The following MON2 variants were observed in gnomAD, a reference collection of about 807,000 sequenced individuals.
MON2 encodes MON2 regulator of endosome-to-Golgi trafficking, also known as protein MON2 homolog.
Under a neutral mutation model 208.6 loss-of-function variants are expected in MON2, and 84 were observed. The ratio of observed to expected loss-of-function variants is 0.40; its 90% CI spans 0.34 to 0.48. The LOEUF (loss-of-function observed/expected upper bound fraction) is 0.48, where lower values mean the gene tolerates loss of function less well. Among genes scored for constraint, MON2 ranks in the 20% least tolerant of loss-of-function variants. MON2 has a pLI of 0.59. For synonymous variants in MON2, 660 were observed against 694.0 expected, an observed-to-expected ratio of 0.95 and a Z score of 0.77; for missense variants, 1,611 against 2,015.4, an observed-to-expected ratio of 0.80 and a Z score of 3.84.
intron 2 of MON2, among the ~76,000 whole-genome samples, chr12:62,493,551 A>G (rs1267351085): frequency 6.6e-6 from 1 of 152,126 alleles, no homozygotes; most frequent in East Asian, 1.9e-4. Flanking sequence ...TAGGGTGGGA[A>G]TTCTTATTTA....
chr12:62,566,195 CATGTA>C (rs2074381596), intron 28 of MON2, 122 bp from the exon 29 acceptor site: 7 of 1,344,260 alleles, frequency 5.2e-6, no homozygotes, highest in Non-Finnish European at 6.1e-6. Context: ...GAAAACTTTG[CATGTA>C]ATATAATCTG....
At position 62,494,107 on chromosome 12, in the gene MON2, A is replaced by G; in HGVS notation, c.303+65A>G. The G allele has an allele frequency of 5.0e-6, 7 of 1,387,352 alleles. No individual in the cohort carries two copies. The South Asian group carries it at 9.1e-5, about 18-fold the overall frequency. 85.9% of individuals were successfully genotyped at this position (1,387,352 alleles called of 1,614,324 possible). A position where few individuals can be genotyped will look rare whatever the true frequency, so the allele number is the denominator to read the frequency against. ...AATCAGAAGTTTTCATGAAAGGAGA[A>G]TGAAACATACCTGATATTTAATATA... On this transcript the variant is annotated intron_variant, in intron 3 of 34. Transcript: ENST00000393630.
chr12:62,467,611 T>G, intron 1 of MON2, among the ~76,000 whole-genome samples: 1 of 152,230 alleles, frequency 6.6e-6, no homozygotes, highest in African/African-American at 2.4e-5. Flanking sequence ...GGCCTTTTTC[T>G]TACTTGAAAC....
At chr12:62,538,052 A>G (rs1007618952) in intron 16 of MON2, 44 bp from the exon 17 acceptor site, 23 of 1,531,462 alleles carry the variant, frequency 1.5e-5, no homozygotes, top group Non-Finnish European at 1.7e-5. Flanking sequence ...GACCTTTTAT[A>G]CTTTTGTAAA....
At chr12:62,588,248 A>G in intron 34 of MON2, 92 bp downstream of exon 34, 1 of 848,338 alleles carries the variant, frequency 1.2e-6, no homozygotes, top group Non-Finnish European at 1.8e-6. Flanking sequence ...AATTATAGGA[A>G]CATAGCAGTC....
chr12:62,557,874 C>T lies in MON2; in HGVS notation c.3409+1682C>T, dbSNP rs548193119. Among the ~76,000 whole-genome samples the T allele has an allele frequency of 8.4e-5, 11 of 130,460 alleles. No homozygotes were observed. The South Asian group carries it at 2.3e-3, about 27-fold the overall frequency. The allele number at this position is 130,460 out of a possible 152,430, so 85.6% of individuals were successfully genotyped here. A position where few individuals can be genotyped will look rare whatever the true frequency, so the allele number is the denominator to read the frequency against. ...ATTTGCTAAGTTTTGACAAAATGAG[C>T]ATCATTTTTAGTACCTTCATGATAT... On this transcript the variant is annotated intron_variant, in intron 25 of 34. Transcript: ENST00000393630.
At chr12:62,536,919 C>T (rs769528220) in intron 14 of MON2, among the ~76,000 whole-genome samples, 31 of 151,978 alleles carry the variant, frequency 2.0e-4, no homozygotes, top group Middle Eastern at 3.4e-3. Context: ...GAACTCCTGA[C>T]CTCAAATGAT....
At chr12:62,584,597 G>T (rs1295305685) in intron 32 of MON2, among the ~76,000 whole-genome samples, 1 of 151,640 alleles carries the variant, frequency 6.6e-6, no homozygotes, top group Non-Finnish European at 1.5e-5. Flanking sequence ...CAGCTATTCA[G>T]GAGGCTGAGG....
intron 8 of MON2, among the ~76,000 whole-genome samples, chr12:62,515,632 G>T (rs2071645500): frequency 6.6e-6 from 1 of 152,088 alleles, no homozygotes; most frequent in South Asian, 2.1e-4. Context: ...GGCCAACATG[G>T]TGAAACCCCG....
chr12:62,505,677 T>A (rs976542970), intron 7 of MON2, among the ~76,000 whole-genome samples: 7 of 151,102 alleles, frequency 4.6e-5, no homozygotes, highest in Non-Finnish European at 8.8e-5. Context: ...GCTCAGGAGT[T>A]CAAGACCAGC....
At chr12:62,590,493 A>G (rs1378279305) in intron 34 of MON2, among the ~76,000 whole-genome samples, 1 of 152,204 alleles carries the variant, frequency 6.6e-6, no homozygotes, top group Non-Finnish European at 1.5e-5. Flanking sequence ...AAAATGATAT[A>G]CAGGGGAAAG....
At chr12:62,590,521 C>T (rs2075366153) in intron 34 of MON2, among the ~76,000 whole-genome samples, 1 of 152,174 alleles carries the variant, frequency 6.6e-6, no homozygotes, top group Non-Finnish European at 1.5e-5. Context: ...ATGATCTTTT[C>T]CTTATTCTCT....
At chr12:62,505,920 A>G (rs998306298) in intron 7 of MON2, among the ~76,000 whole-genome samples, 1 of 152,066 alleles carries the variant, frequency 6.6e-6, no homozygotes, top group Non-Finnish European at 1.5e-5. Context: ...ACAAAAACAA[A>G]GAGATCTGAT....
intron 2 of MON2, among the ~76,000 whole-genome samples, chr12:62,489,313 C>A (rs1197809154): frequency 6.6e-6 from 1 of 152,002 alleles, no homozygotes; most frequent in Non-Finnish European, 1.5e-5. Context: ...CAAATGAATT[C>A]TCACTTCCAC....
intron 12 of MON2, 72 bp downstream of exon 12, chr12:62,532,742 A>G (rs377360969): frequency 8.5e-7 from 1 of 1,172,386 alleles, no homozygotes. Flanking sequence ...TGTAGTCTTT[A>G]TAAATCTTTC....
chr12:62,523,806 A>G (rs966935850), intron 8 of MON2, among the ~76,000 whole-genome samples: 2 of 152,172 alleles, frequency 1.3e-5, no homozygotes, highest in Non-Finnish European at 2.9e-5. Flanking sequence ...TGTATTGTCA[A>G]TTAATAAGTA....
intron 7 of MON2, among the ~76,000 whole-genome samples, chr12:62,507,488 G>T (rs1407515720): frequency 6.7e-6 from 1 of 150,318 alleles, no homozygotes; most frequent in African/African-American, 2.4e-5. Context: ...GCTAATTTTT[G>T]TTGTTGTTGT....
chr12:62,573,006 T>C (rs1308878623), intron 30 of MON2, among the ~76,000 whole-genome samples: 1 of 152,210 alleles, frequency 6.6e-6, no homozygotes, highest in African/African-American at 2.4e-5. Context: ...TGCAGAAGAT[T>C]AACTTGCATT....
intron 4 of MON2, among the ~76,000 whole-genome samples, chr12:62,497,480 C>T (rs1592872553): frequency 6.6e-6 from 1 of 152,232 alleles, no homozygotes; most frequent in East Asian, 1.9e-4. Flanking sequence ...TAGTATTATG[C>T]TTCCATTAGA....
Sources: allele counts gnomAD v4.1 joint callset (sites outside exome capture counted in the v4.1 genomes callset), GRCh38; gene constraint gnomAD v4.1.1; transcripts MANE v1.5; gene names NCBI Gene and HGNC (gene_info 2026-07-23, HGNC 2026-07-21).